The following PCP4 variants were observed in gnomAD, a reference collection of about 807,000 sequenced individuals.
The protein encoded by PCP4 is Purkinje cell protein 4, also known as calmodulin regulator protein PCP4.
In PCP4, 8 loss-of-function variants were observed where a neutral mutation model predicts 10.0. The observed-to-expected ratio is 0.80, with a 90% CI of 0.47 to 1.45. The LOEUF is 1.45. Ranked by LOEUF, PCP4 falls within the 40% of genes most tolerant of loss-of-function variation. The pLI is 0.00. For missense variants in PCP4, 54 were observed against 74.4 expected, an observed-to-expected ratio of 0.73 and a Z score of 1.01; for synonymous variants, 21 against 23.0, an observed-to-expected ratio of 0.91 and a Z score of 0.24.
At chr21:39,889,117 T>C (rs1220778171) in intron 1 of PCP4, among the ~76,000 whole-genome samples, 4 of 152,142 alleles carry the variant, frequency 2.6e-5, no homozygotes, top group African/African-American at 9.7e-5. Context: ...GGTCCAGTTG[T>C]CCCTTGTCCC....
Position 39,888,699 on chromosome 21 carries a change from C to T in PCP4, c.10-9777C>T, listed in dbSNP as rs962005241. The stretch of plus-strand genomic sequence containing the variant: ...TGAGATGGTTGCTTTATTCTCTGCC[C>T]GGCCCTCCAGGCTGTGAGCCACCAA... On this transcript the variant is annotated intron_variant, in intron 1 of 2. Transcript: ENST00000328619. Among the ~76,000 whole-genome samples the T allele has an allele frequency of 3.9e-5, 6 of 152,178 alleles. 1 individual carries two copies. The South Asian group carries it at 1.2e-3, about 32-fold the overall frequency.
At chr21:39,874,499 G>A (rs1029455040) in intron 1 of PCP4, among the ~76,000 whole-genome samples, 6 of 152,086 alleles carry the variant, frequency 3.9e-5, no homozygotes, top group Non-Finnish European at 8.8e-5. Context: ...ATCGAATGAA[G>A]TAATGGTTAT....
rs528321571 is a variant in PCP4, at chr21:39,891,728, A to T, written c.10-6748A>T. ...TCTAAGTGATTGACAAGGTGAAGCAAGTCACGTGATTACAGGATAGGGGGC... is the reference window on the plus strand; with the variant it reads ...TCTAAGTGATTGACAAGGTGAAGCATGTCACGTGATTACAGGATAGGGGGC... On this transcript the variant is annotated intron_variant, in intron 1 of 2. Transcript: ENST00000328619. Among the ~76,000 whole-genome samples the T allele has an allele frequency of 4.5e-3, 685 of 152,330 alleles. 2 individuals carry two copies. Among genetic ancestry groups the T allele is most frequent in the Non-Finnish European group, 7.8e-3 (529 of 68,026 alleles).
chr21:39,873,771 A>C (rs1298951104), intron 1 of PCP4, among the ~76,000 whole-genome samples: 4 of 152,330 alleles, frequency 2.6e-5, no homozygotes, highest in Middle Eastern at 3.4e-3. Flanking sequence ...CAAGCTTGCC[A>C]CAGTCATCAA....
chr21:39,910,640 T>G (rs920985094), intron 2 of PCP4, among the ~76,000 whole-genome samples: 7 of 152,230 alleles, frequency 4.6e-5, no homozygotes, highest in African/African-American at 1.7e-4. Flanking sequence ...TTCATAGAAC[T>G]TTCAGAATAA....
chr21:39,896,750 G>T (rs559959999), intron 1 of PCP4, among the ~76,000 whole-genome samples: 59 of 152,252 alleles, frequency 3.9e-4, no homozygotes, highest in Non-Finnish European at 5.3e-4. Context: ...TTTCCGAGAT[G>T]ATACATTTAC....
intron 1 of PCP4, among the ~76,000 whole-genome samples, chr21:39,897,416 T>C (rs988262793): frequency 6.6e-5 from 10 of 151,882 alleles, no homozygotes; most frequent in African/African-American, 2.2e-4. Flanking sequence ...TTAGAGACTT[T>C]ATAAGCTTTT....
chr21:39,868,391 A>G (rs2087304146), intron 1 of PCP4, among the ~76,000 whole-genome samples: 1 of 152,214 alleles, frequency 6.6e-6, no homozygotes, highest in East Asian at 1.9e-4. Context: ...GATAAAATTA[A>G]CAACTTCAGA....
chr21:39,873,121 C>G lies in PCP4; in HGVS notation c.9+5611C>G, dbSNP rs572561882. On this transcript the variant is annotated intron_variant, in intron 1 of 2. Transcript: ENST00000328619. ...CACTTCAGATAAGCTCAATGAAACT[C>G]AAGCAAAAGAGACTGTAGCCAGAGA... 5.3e-5 allele frequency among the ~76,000 whole-genome samples: 8 copies of G among 152,148 alleles called. No individual in the cohort carries two copies. In the East Asian group the frequency reaches 1.5e-3, roughly 29 times the overall value.
intron 2 of PCP4, among the ~76,000 whole-genome samples, chr21:39,904,410 G>C (rs1341343909): frequency 1.3e-5 from 2 of 152,158 alleles, no homozygotes; most frequent in Non-Finnish European, 2.9e-5. Flanking sequence ...TGTGGAGTAA[G>C]GCTTCGTGTG....
intron 1 of PCP4, among the ~76,000 whole-genome samples, chr21:39,871,076 A>C (rs2146323189): frequency 6.6e-6 from 1 of 152,356 alleles, no homozygotes; most frequent in South Asian, 2.1e-4. Context: ...ATAATCTCTA[A>C]AGGAAGAAGA....
chr21:39,915,848 A>T (rs1457872707), intron 2 of PCP4, among the ~76,000 whole-genome samples: 1 of 152,206 alleles, frequency 6.6e-6, no homozygotes, highest in African/African-American at 2.4e-5. Context: ...CTGGATAACC[A>T]TGTGCTCAGC....
intron 1 of PCP4, among the ~76,000 whole-genome samples, chr21:39,871,970 AC>A (rs1232806822): frequency 6.6e-6 from 1 of 152,186 alleles, no homozygotes; most frequent in African/African-American, 2.4e-5. Flanking sequence ...AGTTTCTTAA[AC>A]TTATGATGAG....
At chr21:39,920,592 G>A (rs1252772481) in intron 2 of PCP4, among the ~76,000 whole-genome samples, 2 of 152,088 alleles carry the variant, frequency 1.3e-5, no homozygotes, top group South Asian at 2.1e-4. Flanking sequence ...CCATCAACTG[G>A]GAAACAAACA....
chr21:39,910,547 T>C (rs1188675503), intron 2 of PCP4, among the ~76,000 whole-genome samples: 1 of 152,180 alleles, frequency 6.6e-6, no homozygotes, highest in Non-Finnish European at 1.5e-5. Flanking sequence ...ATGCAGATGC[T>C]GGGTTGTAGA....
intron 2 of PCP4, 84 bp from the exon 3 acceptor site, chr21:39,928,900 C>T: frequency 7.1e-7 from 1 of 1,411,712 alleles, no homozygotes; most frequent in Non-Finnish European, 9.8e-7. Flanking sequence ...GGTGGACTTC[C>T]TGGCTTCACT....
rs944685189 is a variant in PCP4, at chr21:39,906,955, T to A, written c.61+8428T>A. Among the ~76,000 whole-genome samples the A allele has an allele frequency of 2.0e-5, 3 of 152,168 alleles. No homozygotes were observed. Among genetic ancestry groups the A allele is most frequent in the Non-Finnish European group, 4.4e-5 (3 of 68,044 alleles). On this transcript the variant is annotated intron_variant, in intron 2 of 2. Transcript: ENST00000328619. The surrounding 1 kb of genome is among the most constrained non-coding windows in gnomAD (Gnocchi z 6.3). The stretch of plus-strand genomic sequence containing the variant: ...GCGCTTGAAAACACTTTTGCTCTTT[T>A]AAGTAGGTGAAACACTCATAATCTT...
At chr21:39,881,374 G>T (rs1314861082) in intron 1 of PCP4, among the ~76,000 whole-genome samples, 1 of 152,178 alleles carries the variant, frequency 6.6e-6, no homozygotes, top group Non-Finnish European at 1.5e-5. Context: ...ATTACAACAG[G>T]TCATTGCGGG....
intron 2 of PCP4, among the ~76,000 whole-genome samples, chr21:39,918,395 G>A (rs1053803828): frequency 2.6e-5 from 4 of 152,138 alleles, no homozygotes; most frequent in Non-Finnish European, 2.9e-5. Flanking sequence ...ATAGGAAATA[G>A]ATGACCGAGA....
Sources: gnomAD v4.1 joint callset for allele counts (sites outside exome capture counted in the v4.1 genomes callset) on GRCh38, gnomAD v4.1.1 for gene constraint, Gnocchi (gnomAD v3.1) non-coding constraint, MANE v1.5 for transcripts, NCBI Gene and HGNC (gene_info 2026-07-23, HGNC 2026-07-21) for gene names.